SRGAP2B: variants seen among roughly 807,000 people sequenced by gnomAD.
The protein encoded by SRGAP2B is SLIT-ROBO Rho GTPase activating protein 2B.
Under a neutral mutation model 22.2 loss-of-function variants are expected in SRGAP2B, and 9 were observed. The observed-to-expected ratio is 0.41, with a 90% CI of 0.24 to 0.71. The LOEUF (loss-of-function observed/expected upper bound fraction) is 0.71, where lower values mean the gene tolerates loss of function less well. Among genes scored for constraint, SRGAP2B ranks in the 30% least tolerant of loss-of-function variants. The pLI, the probability that SRGAP2B is intolerant of heterozygous loss-of-function variation, is 0.35. For synonymous variants in SRGAP2B, 36 were observed against 87.4 expected (o/e 0.41, Z 3.28); for missense variants, 114 against 235.8 (o/e 0.48, Z 3.38).
At chr1:144,916,195 AG>A (rs1553603854) in intron 4 of SRGAP2B, among the ~76,000 whole-genome samples, 1 of 146,986 alleles carries the variant, frequency 6.8e-6, no homozygotes, top group Non-Finnish European at 1.5e-5. Flanking sequence ...CACCACTCTA[AG>A]TGTTGTTATG....
rs1664147796 is a variant in SRGAP2B, at chr1:144,920,403, G to A, written c.424-5649C>T. Among the ~76,000 whole-genome samples, 2 of 150,466 alleles carry A rather than the reference G, an allele frequency of 1.3e-5. 1 individual carries two copies. Among genetic ancestry groups the A allele is most frequent in the Admixed American group, 1.3e-4 (2 of 15,154 alleles). On this transcript the variant is annotated intron_variant, in intron 4 of 9. Transcript: ENST00000612199. Reference sequence around the variant, plus strand: ...TCCTCCTCCCTCAGCTTCCCATGTAGCTGGGACGACAGATGTGTACAAACA... The same window carrying A: ...TCCTCCTCCCTCAGCTTCCCATGTAACTGGGACGACAGATGTGTACAAACA...
chr1:144,983,872 A>G (rs1490004529), intron 3 of SRGAP2B, among the ~76,000 whole-genome samples: 4 of 150,270 alleles, frequency 2.7e-5, no homozygotes, highest in Non-Finnish European at 5.9e-5. Flanking sequence ...ACAGCCAAAA[A>G]ATCTCTTTAG....
In SRGAP2B at chr1:144,954,387, A is replaced by G. The variant is rs1314663482; in HGVS notation, c.423+1052T>C. 5.3e-5 allele frequency among the ~76,000 whole-genome samples: 8 copies of G among 152,152 alleles called. 1 individual carries two copies. Among genetic ancestry groups the G allele is most frequent in the African/African-American group, 1.7e-4 (7 of 41,410 alleles). ...ATCAAGAGCTTTGACTGTATCGACT[A>G]CAGTCCTGTTTACCAGTCTTTTCTC... On this transcript the variant is annotated intron_variant, in intron 4 of 9. Coordinates refer to ENST00000612199, the Ensembl canonical transcript of SRGAP2B.
chr1:144,902,842 C>G (rs1333324855), intron 7 of SRGAP2B, among the ~76,000 whole-genome samples: 1 of 108,826 alleles, frequency 9.2e-6, no homozygotes, highest in Non-Finnish European at 1.8e-5. Flanking sequence ...AGACCCACAC[C>G]CTGCCAAGTA....
chr1:144,994,944 G>GC (rs368271027), intron 3 of SRGAP2B, 64 bp downstream of exon 3: 2 of 837,682 alleles, frequency 2.4e-6, no homozygotes, highest in African/African-American at 1.8e-5. Flanking sequence ...GGCATACCCT[G>GC]CCCCCCTCCA....
chr1:144,897,998 CT>C (rs1437992215), intron 7 of SRGAP2B, among the ~76,000 whole-genome samples: 3 of 82,566 alleles, frequency 3.6e-5, no homozygotes, highest in African/African-American at 1.7e-4. Flanking sequence ...ATTTATAAGA[CT>C]AAAAAGCTCT....
intron 2 of SRGAP2B, among the ~76,000 whole-genome samples, chr1:145,075,914 C>T (rs1652456050): frequency 6.7e-6 from 1 of 149,376 alleles, no homozygotes; most frequent in Non-Finnish European, 1.5e-5. Flanking sequence ...ACAGTGAAAC[C>T]CCGTCTCTAC....
Position 144,906,646 on chromosome 1 carries a change from A to T in SRGAP2B, c.487-572T>A, listed in dbSNP as rs1663008714. Among the ~76,000 whole-genome samples the T allele has an allele frequency of 1.4e-5, 2 of 148,134 alleles. 1 individual carries two copies. Among genetic ancestry groups the T allele is most frequent in the Non-Finnish European group, 3.0e-5 (2 of 67,516 alleles). On this transcript the variant is annotated intron_variant, in intron 5 of 9. Transcript: ENST00000612199. ...GATCAAACACCCTCTCACAGCAACT[A>T]AAGCAGCAGCAGCAATTGCAATGCC...
At chr1:145,040,837 C>T (rs587666762) in intron 2 of SRGAP2B, among the ~76,000 whole-genome samples, 81 of 148,410 alleles carry the variant, frequency 5.5e-4, no homozygotes, top group African/African-American at 1.8e-3. Flanking sequence ...CGTGCCAAGC[C>T]TGTTCACATC....
intron 3 of SRGAP2B, among the ~76,000 whole-genome samples, chr1:144,990,918 G>T (rs1386414303): frequency 6.6e-6 from 1 of 151,104 alleles, no homozygotes; most frequent in Non-Finnish European, 1.5e-5. Flanking sequence ...AGCCCGCCAT[G>T]TCTGAGCCTC....
intron 2 of SRGAP2B, among the ~76,000 whole-genome samples, chr1:145,005,630 TC>T (rs1433280138): frequency 6.1e-5 from 9 of 148,686 alleles, no homozygotes; most frequent in African/African-American, 2.0e-4. Flanking sequence ...AGTTGTATTC[TC>T]CTTCTGTTCT....
At position 145,089,052 on chromosome 1, in the gene SRGAP2B, C is replaced by T. The variant is rs587602870; in HGVS notation, c.67+3783G>A. ...TAATCTAGAGATGATTTAAAGTATA[C>T]AGAAGGATGTGTGTACATAGGTTAT... On this transcript the variant is annotated intron_variant, in intron 2 of 9. Coordinates refer to ENST00000612199, the Ensembl canonical transcript of SRGAP2B. 1.8e-4 allele frequency among the ~76,000 whole-genome samples: 27 copies of T among 151,140 alleles called. No homozygotes were observed. In the South Asian group the frequency reaches 5.5e-3, roughly 31 times the overall value.
chr1:145,036,378 A>G (rs1553626656), intron 2 of SRGAP2B, among the ~76,000 whole-genome samples: 1 of 143,822 alleles, frequency 7.0e-6, no homozygotes, highest in Non-Finnish European at 1.5e-5. Flanking sequence ...CAATCTCCTC[A>G]TGTAAAAGAG....
intron 3 of SRGAP2B, among the ~76,000 whole-genome samples, chr1:144,991,210 C>T (rs1553617071): frequency 6.7e-6 from 1 of 149,980 alleles, no homozygotes; most frequent in South Asian, 2.1e-4. Flanking sequence ...TGTGAGTGCA[C>T]CAATCGACAC....
chr1:145,067,267 C>A (rs4844911), intron 2 of SRGAP2B, among the ~76,000 whole-genome samples: 5,988 of 134,982 alleles, frequency 0.044, 787 homozygotes, highest in East Asian at 0.41. Flanking sequence ...CCAGCCTGGA[C>A]AACAGAACAA....
intron 5 of SRGAP2B, among the ~76,000 whole-genome samples, chr1:144,913,267 T>C (rs1663549281): frequency 6.9e-6 from 1 of 145,802 alleles, no homozygotes; most frequent in Non-Finnish European, 1.5e-5. Context: ...TAGTAGAGGG[T>C]CAAGATGCTT....
chr1:145,067,283 T>C (rs4844912), intron 2 of SRGAP2B, among the ~76,000 whole-genome samples: 62,657 of 143,550 alleles, frequency 0.44, 14,833 homozygotes, highest in East Asian at 0.57. Flanking sequence ...AACAAGACTC[T>C]GTCTAAAAAA....
At chr1:144,898,594 G>A (rs1167095297) in intron 7 of SRGAP2B, among the ~76,000 whole-genome samples, 2 of 149,828 alleles carry the variant, frequency 1.3e-5, no homozygotes, top group Non-Finnish European at 2.9e-5. Context: ...ATAGAGTAAG[G>A]CCATCTGCCT....
intron 4 of SRGAP2B, among the ~76,000 whole-genome samples, chr1:144,941,212 G>C (rs1347254761): frequency 7.0e-6 from 1 of 142,076 alleles, no homozygotes; most frequent in Admixed American, 7.1e-5. Flanking sequence ...TAAGCTGAAG[G>C]GTTTTTTGTT....
Sources: allele counts gnomAD v4.1 joint callset (sites outside exome capture counted in the v4.1 genomes callset), GRCh38; gene constraint gnomAD v4.1.1; transcripts MANE v1.5; gene names NCBI Gene and HGNC (gene_info 2026-07-23, HGNC 2026-07-21).